SGCZ: variants seen among roughly 807,000 people sequenced by gnomAD.
SGCZ encodes the protein zeta-sarcoglycan.
A neutral mutation model predicts 41.3 loss-of-function variants in SGCZ; 40 were observed. That is an observed-to-expected ratio of 0.97 (90% confidence interval 0.75 to 1.26). The LOEUF is 1.26. Ranked by LOEUF, SGCZ falls within the 50% of genes most tolerant of loss-of-function variation. SGCZ has a pLI of 0.00. For missense variants in SGCZ, 552 were observed against 369.8 expected (o/e 1.49, Z -4.04); for synonymous variants, 206 against 137.5 (o/e 1.50, Z -3.49).
chr8:14,680,673 G>A lies in SGCZ; in HGVS notation c.40-125747C>T, dbSNP rs183540645. Among the ~76,000 whole-genome samples, 376 of 150,350 alleles carry A rather than the reference G, an allele frequency of 2.5e-3. 1 individual carries two copies. Among genetic ancestry groups the A allele is most frequent in the African/African-American group, 7.0e-3 (283 of 40,182 alleles). On this transcript the variant is annotated intron_variant, in intron 1 of 7. Transcript: ENST00000382080. Reference sequence around the variant, plus strand: ...TGGTGAGGAGAGACATAGATTGTACGGAGCAAGAAATCTCACAGATATAAT... The same window carrying A: ...TGGTGAGGAGAGACATAGATTGTACAGAGCAAGAAATCTCACAGATATAAT...
chr8:14,239,109 C>T (rs955857052), intron 3 of SGCZ, among the ~76,000 whole-genome samples: 1 of 151,858 alleles, frequency 6.6e-6, no homozygotes, highest in African/African-American at 2.4e-5. Context: ...TTAATTACAT[C>T]ATCCTAATCA....
intron 1 of SGCZ, among the ~76,000 whole-genome samples, chr8:14,599,280 C>G (rs920121377): frequency 2.6e-5 from 4 of 152,144 alleles, no homozygotes. Context: ...GATGCAATGT[C>G]TATCATTATA....
At chr8:15,014,921 A>G (rs908131891) in intron 1 of SGCZ, among the ~76,000 whole-genome samples, 1 of 152,086 alleles carries the variant, frequency 6.6e-6, no homozygotes, top group African/African-American at 2.4e-5. Flanking sequence ...ACTACCGCAA[A>G]CCTGGTCTTC....
chr8:15,094,658 G>C (rs546723597), intron 1 of SGCZ, among the ~76,000 whole-genome samples: 1 of 152,288 alleles, frequency 6.6e-6, no homozygotes, highest in African/African-American at 2.4e-5. Context: ...ATATGGTTCA[G>C]TTCTTTGTCC....
chr8:14,641,391 GA>G (rs897314621), intron 1 of SGCZ, among the ~76,000 whole-genome samples: 1 of 151,652 alleles, frequency 6.6e-6, no homozygotes, highest in Non-Finnish European at 1.5e-5. Flanking sequence ...AATGTTTGTA[GA>G]AAAAATCGTA....
At position 14,998,121 on chromosome 8, in the gene SGCZ, T is replaced by C. The variant is rs114561568; in HGVS notation, c.39+239464A>G. ...TACTGCGTCTTTTTCAAATGTATAA[T>C]AGAAAAATAGTGTAGGTAGCACGAA... On this transcript the variant is annotated intron_variant, in intron 1 of 7. Transcript: ENST00000382080. Among the ~76,000 whole-genome samples, 987 of 152,202 alleles carry C rather than the reference T, an allele frequency of 6.5e-3. 7 individuals carry two copies. Among genetic ancestry groups the C allele is most frequent in the African/African-American group, 0.022 (928 of 41,500 alleles).
chr8:14,828,681 T>C (rs1424264561), intron 1 of SGCZ, among the ~76,000 whole-genome samples: 1 of 152,158 alleles, frequency 6.6e-6, no homozygotes, highest in African/African-American at 2.4e-5. Context: ...ATGGCAGCAG[T>C]TGTTTGGGAT....
At chr8:14,477,978 T>C (rs1249316642) in intron 2 of SGCZ, among the ~76,000 whole-genome samples, 21 of 152,224 alleles carry the variant, frequency 1.4e-4, no homozygotes, top group Admixed American at 1.3e-3. Flanking sequence ...AGTTGAAGAC[T>C]TTAATTTTCC....
chr8:15,181,717 A>C (rs909969718), intron 1 of SGCZ, among the ~76,000 whole-genome samples: 1 of 152,330 alleles, frequency 6.6e-6, no homozygotes, highest in Middle Eastern at 3.4e-3. Context: ...GAGGTCACTA[A>C]CTGAACAGTT....
At chr8:15,152,530 T>G (rs1799208214) in intron 1 of SGCZ, among the ~76,000 whole-genome samples, 1 of 152,160 alleles carries the variant, frequency 6.6e-6, no homozygotes. Flanking sequence ...TCAAAACAGG[T>G]GGAGGCAACT....
At chr8:14,237,493 C>G in intron 4 of SGCZ, 99 bp downstream of exon 4, 1 of 1,129,890 alleles carries the variant, frequency 8.9e-7, no homozygotes, top group East Asian at 2.5e-5. Context: ...AAAACAACAA[C>G]AACAACAACA....
At chr8:14,266,618 A>C (rs1799875899) in intron 3 of SGCZ, among the ~76,000 whole-genome samples, 1 of 152,102 alleles carries the variant, frequency 6.6e-6, no homozygotes, top group Admixed American at 6.5e-5. Flanking sequence ...TAAGATCACG[A>C]TGTGAAAATG....
At chr8:14,217,147 G>C (rs1007643937) in intron 4 of SGCZ, among the ~76,000 whole-genome samples, 1 of 151,794 alleles carries the variant, frequency 6.6e-6, no homozygotes, top group Admixed American at 6.6e-5. Flanking sequence ...CACACAAAAA[G>C]TTAGCCGGCA....
chr8:14,955,483 G>A (rs1009554935), intron 1 of SGCZ, among the ~76,000 whole-genome samples: 1 of 152,138 alleles, frequency 6.6e-6, no homozygotes, highest in Non-Finnish European at 1.5e-5. Context: ...AACTTAAGTA[G>A]GTAATACCAA....
chr8:14,252,471 C>G (rs965860905), intron 3 of SGCZ, among the ~76,000 whole-genome samples: 1 of 151,948 alleles, frequency 6.6e-6, no homozygotes, highest in Non-Finnish European at 1.5e-5. Flanking sequence ...AAAATCTAAA[C>G]TTGTGAATAA....
intron 2 of SGCZ, among the ~76,000 whole-genome samples, chr8:14,460,299 G>T (rs1004256598): frequency 2.0e-5 from 3 of 152,116 alleles, no homozygotes; most frequent in Non-Finnish European, 2.9e-5. Flanking sequence ...AGCTAAAAGA[G>T]TTATTCATCC....
intron 2 of SGCZ, among the ~76,000 whole-genome samples, chr8:14,535,806 A>G (rs999435117): frequency 2.0e-5 from 3 of 151,878 alleles, no homozygotes; most frequent in African/African-American, 7.2e-5. Context: ...ACAAAGCAAG[A>G]GATAACTGTA....
Position 14,102,235 on chromosome 8 carries a change from A to C in SGCZ, c.744+141T>G, listed in dbSNP as rs576890306. ...CTTGAATATGAGATATGGTAACCTA[A>C]TATTACTTTCCTAAGTTACAACTCC... On this transcript the variant is annotated intron_variant, in intron 7 of 7. Transcript: ENST00000382080. 14 of 963,620 alleles carry C rather than the reference A, an allele frequency of 1.5e-5. No individual in the cohort carries two copies. The South Asian group carries it at 4.5e-4, about 31-fold the overall frequency. 59.7% of individuals were successfully genotyped at this position (963,620 alleles called of 1,614,324 possible). A position where few individuals can be genotyped will look rare whatever the true frequency, so the allele number is the denominator to read the frequency against.
chr8:15,015,386 A>G (rs1305931906), intron 1 of SGCZ, among the ~76,000 whole-genome samples: 3 of 152,068 alleles, frequency 2.0e-5, no homozygotes, highest in East Asian at 1.9e-4. Flanking sequence ...GACAGATTAT[A>G]ATATACTTTT....
Sources: allele counts gnomAD v4.1 joint callset (sites outside exome capture counted in the v4.1 genomes callset), GRCh38; gene constraint gnomAD v4.1.1; transcripts MANE v1.5; gene names NCBI Gene and HGNC (gene_info 2026-07-23, HGNC 2026-07-21).